The following CDH12 variants were observed in gnomAD, a reference collection of about 807,000 sequenced individuals.
The protein encoded by CDH12 is cadherin-12.
CDH12 carries 41 observed loss-of-function variants against 74.1 expected under a neutral mutation model. The observed-to-expected ratio is 0.55, with a 90% CI of 0.43 to 0.72. The LOEUF (loss-of-function observed/expected upper bound fraction) is 0.72, where lower values mean the gene tolerates loss of function less well. CDH12 is among the 30% of genes least tolerant of loss of function. The pLI, the probability that CDH12 is intolerant of heterozygous loss-of-function variation, is 0.00. For synonymous variants in CDH12, 399 were observed against 355.0 expected (o/e 1.12, Z -1.39); for missense variants, 945 against 977.2 (o/e 0.97, Z 0.44).
chr5:22,615,115 A>G (rs546921431), intron 1 of CDH12, among the ~76,000 whole-genome samples: 3 of 152,128 alleles, frequency 2.0e-5, no homozygotes, highest in Non-Finnish European at 4.4e-5. Context: ...TACAGAAATC[A>G]TAACTGCAGA....
At chr5:22,716,807 T>C (rs139256135) in intron 1 of CDH12, among the ~76,000 whole-genome samples, 1 of 151,876 alleles carries the variant, frequency 6.6e-6, no homozygotes, top group African/African-American at 2.4e-5. Context: ...GCTTGTGTAT[T>C]CATTTTTAAC....
chr5:21,956,761 C>T (rs1421603423), intron 6 of CDH12, among the ~76,000 whole-genome samples: 1 of 151,944 alleles, frequency 6.6e-6, no homozygotes, highest in Admixed American at 6.6e-5. Context: ...GTTTTCTCAG[C>T]CATCTATTGT....
intron 3 of CDH12, among the ~76,000 whole-genome samples, chr5:22,371,168 T>C (rs974892733): frequency 6.6e-6 from 1 of 152,134 alleles, no homozygotes; most frequent in African/African-American, 2.4e-5. Flanking sequence ...TTCTGGAAAA[T>C]TTAGTAACTG....
intron 5 of CDH12, among the ~76,000 whole-genome samples, chr5:22,056,437 A>G (rs1427299406): frequency 6.6e-6 from 1 of 152,176 alleles, no homozygotes; most frequent in Non-Finnish European, 1.5e-5. Context: ...TGTTCCAAAC[A>G]CATGGATACA....
At chr5:22,842,298 T>C (rs1269735182) in intron 1 of CDH12, among the ~76,000 whole-genome samples, 1 of 152,016 alleles carries the variant, frequency 6.6e-6, no homozygotes, top group East Asian at 1.9e-4. Flanking sequence ...TATATATGCA[T>C]AGACAGCTAA....
chr5:22,497,530 T>A (rs899673505), intron 2 of CDH12, among the ~76,000 whole-genome samples: 2 of 151,712 alleles, frequency 1.3e-5, no homozygotes, highest in African/African-American at 2.4e-5. Context: ...ATTCCACCCC[T>A]GGGCCTCTAT....
At chr5:22,287,305 G>C (rs938929078) in intron 3 of CDH12, among the ~76,000 whole-genome samples, 29 of 152,094 alleles carry the variant, frequency 1.9e-4, no homozygotes, top group African/African-American at 7.0e-4. Context: ...AATTCCACTA[G>C]GTAACTTGAT....
chr5:22,057,553 C>T (rs559415257), intron 5 of CDH12, among the ~76,000 whole-genome samples: 2 of 152,206 alleles, frequency 1.3e-5, no homozygotes, highest in African/African-American at 2.4e-5. Flanking sequence ...GGAACAGACT[C>T]GCGGAAGGGA....
At chr5:21,790,664 A>C (rs1364563184) in intron 10 of CDH12, among the ~76,000 whole-genome samples, 1 of 152,100 alleles carries the variant, frequency 6.6e-6, no homozygotes, top group African/African-American at 2.4e-5. Flanking sequence ...AAAATGAAAT[A>C]AGATAAAGTA....
chr5:22,479,947 G>A (rs1746317538), intron 2 of CDH12, among the ~76,000 whole-genome samples: 1 of 151,822 alleles, frequency 6.6e-6, no homozygotes, highest in African/African-American at 2.4e-5. Context: ...CCAAAATTAA[G>A]TCCTCTATAT....
chr5:21,907,769 G>C (rs1229573540), intron 6 of CDH12, among the ~76,000 whole-genome samples: 1 of 152,184 alleles, frequency 6.6e-6, no homozygotes, highest in African/African-American at 2.4e-5. Flanking sequence ...GCAGAATCCA[G>C]TGTCTCTCCC....
At chr5:22,449,770 C>T (rs1250378856) in intron 2 of CDH12, among the ~76,000 whole-genome samples, 1 of 151,928 alleles carries the variant, frequency 6.6e-6, no homozygotes, top group Non-Finnish European at 1.5e-5. Context: ...TTTTTATATG[C>T]AGTAGACAAT....
chr5:22,700,591 A>G (rs1016717845), intron 1 of CDH12, among the ~76,000 whole-genome samples: 9 of 152,240 alleles, frequency 5.9e-5, no homozygotes, highest in Non-Finnish European at 1.3e-4. Context: ...GTGATAAGAA[A>G]ATGTTTTCTA....
chr5:22,449,945 T>C (rs1744977472), intron 2 of CDH12, among the ~76,000 whole-genome samples: 1 of 151,994 alleles, frequency 6.6e-6, no homozygotes, highest in African/African-American at 2.4e-5. Context: ...CTCATAGTGA[T>C]TTCATGTATG....
At chr5:22,401,782 C>T (rs1187309305) in intron 3 of CDH12, among the ~76,000 whole-genome samples, 1 of 152,042 alleles carries the variant, frequency 6.6e-6, no homozygotes, top group Non-Finnish European at 1.5e-5. Context: ...TAGGTTGGGC[C>T]TAACATCCAA....
Position 22,059,311 on chromosome 5 carries a change from A to G in CDH12, c.231+19135T>C, listed in dbSNP as rs147087601. On this transcript the variant is annotated intron_variant, in intron 5 of 14. Transcript: ENST00000382254. ...TCTATCTATCATCTATCTATCTATC[A>G]TCTATCCATCTATCGTCTATCTATC... 3.2e-3 allele frequency among the ~76,000 whole-genome samples: 481 copies of G among 150,728 alleles called. 4 individuals are homozygous for G. The highest frequency in any genetic ancestry group is 0.012 in the African/African-American group (471 of 40,948).
intron 3 of CDH12, among the ~76,000 whole-genome samples, chr5:22,368,875 C>T (rs776081944): frequency 3.9e-5 from 6 of 152,064 alleles, no homozygotes; most frequent in East Asian, 3.9e-4. Flanking sequence ...TGGTGGCTCA[C>T]GCCTGCACTT....
At chr5:22,503,017 T>A (rs1736236278) in intron 2 of CDH12, among the ~76,000 whole-genome samples, 1 of 152,156 alleles carries the variant, frequency 6.6e-6, no homozygotes, top group South Asian at 2.1e-4. Context: ...GCTGCATTTT[T>A]CCTACTCTTT....
intron 3 of CDH12, among the ~76,000 whole-genome samples, chr5:22,328,140 G>A (rs1739201470): frequency 6.6e-6 from 1 of 152,138 alleles, no homozygotes; most frequent in African/African-American, 2.4e-5. Context: ...ACCAAATGTA[G>A]AGGCTCACAC....
Sources: allele counts gnomAD v4.1 joint callset (sites outside exome capture counted in the v4.1 genomes callset), GRCh38; gene constraint gnomAD v4.1.1; transcripts MANE v1.5; gene names NCBI Gene and HGNC (gene_info 2026-07-23, HGNC 2026-07-21).